Variants in ARMH3 observed in about 807,000 individuals in gnomAD.
ARMH3 encodes armadillo like helical domain containing 3, also known as armadillo-like helical domain-containing protein 3.
Under a neutral mutation model 99.1 loss-of-function variants are expected in ARMH3, and 60 were observed. The observed-to-expected ratio is 0.61, with a 90% CI of 0.49 to 0.75. The LOEUF is 0.75. Ranked by LOEUF, ARMH3 falls within the 30% of genes least tolerant of loss-of-function variation. ARMH3 has a pLI of 0.00. For missense variants in ARMH3, 679 were observed against 843.1 expected (o/e 0.81, Z 2.41); for synonymous variants, 285 against 292.8 (o/e 0.97, Z 0.27).
At chr10:102,027,995 A>T (rs2067037804) in intron 5 of ARMH3, among the ~76,000 whole-genome samples, 2 of 151,774 alleles carry the variant, frequency 1.3e-5, no homozygotes, top group Admixed American at 1.3e-4. Flanking sequence ...CTTATAACTC[A>T]ACAAAAAAAG....
At chr10:101,906,057 T>C (rs2068095018) in intron 23 of ARMH3, among the ~76,000 whole-genome samples, 1 of 152,248 alleles carries the variant, frequency 6.6e-6, no homozygotes, top group South Asian at 2.1e-4. Context: ...ATGAATATTA[T>C]ATTTGTGAGA....
At chr10:101,853,570 G>A (rs564401579) in intron 24 of ARMH3, among the ~76,000 whole-genome samples, 2 of 152,298 alleles carry the variant, frequency 1.3e-5, no homozygotes, top group African/African-American at 4.8e-5. Context: ...AACTCTAAAG[G>A]TCCTTCTCAG....
At chr10:101,982,946 A>C (rs574297102) in intron 19 of ARMH3, among the ~76,000 whole-genome samples, 6 of 152,338 alleles carry the variant, frequency 3.9e-5, no homozygotes, top group African/African-American at 4.8e-5. Flanking sequence ...TCTCGAAACC[A>C]TCACTGCCCC....
intron 23 of ARMH3, among the ~76,000 whole-genome samples, chr10:101,916,603 T>G (rs181224447): frequency 6.6e-6 from 1 of 152,330 alleles, no homozygotes. Context: ...ACAGCAAAAC[T>G]TACCCTTTTT....
At position 102,001,990 on chromosome 10, in the gene ARMH3, A is replaced by G; in HGVS notation, c.1131T>C (p.Ile377=). 6.2e-7 allele frequency: 1 copy of G among 1,614,184 alleles called. No individual in the cohort carries two copies. Among genetic ancestry groups the G allele is most frequent in the East Asian group, 2.2e-5 (1 of 44,888 alleles). Residue 377 remains isoleucine (I), a synonymous_variant, in exon 15 of 26, where the codon ATT becomes ATC. Transcript: ENST00000370033. The part of the protein sequence containing the change: ...LLITFLKYSS[I]VMQDTKDEHR... Reference sequence around the variant, plus strand: ...GCTTACCTTTGGTGTCCTGCATGACAATTGAGCTATACTTTAAAAAGGTTA... The same window carrying G: ...GCTTACCTTTGGTGTCCTGCATGACGATTGAGCTATACTTTAAAAAGGTTA...
chr10:101,902,629 G>A (rs2068008341), intron 23 of ARMH3, among the ~76,000 whole-genome samples: 1 of 151,992 alleles, frequency 6.6e-6, no homozygotes, highest in African/African-American at 2.4e-5. Context: ...AAAGTGATTT[G>A]CAACCTTACT....
chr10:101,910,019 G>C (rs927759412), intron 23 of ARMH3, among the ~76,000 whole-genome samples: 2 of 152,212 alleles, frequency 1.3e-5, no homozygotes, highest in African/African-American at 4.8e-5. Context: ...ATGCTATGTA[G>C]ACCTTGTTGC....
At chr10:101,921,780 T>C (rs1406398771) in intron 23 of ARMH3, among the ~76,000 whole-genome samples, 1 of 152,164 alleles carries the variant, frequency 6.6e-6, no homozygotes, top group African/African-American at 2.4e-5. Context: ...AGCTAAAAAG[T>C]TCACCTCATG....
chr10:101,925,610 C>A (rs1372967144), intron 23 of ARMH3, among the ~76,000 whole-genome samples: 1 of 152,146 alleles, frequency 6.6e-6, no homozygotes, highest in Non-Finnish European at 1.5e-5. Flanking sequence ...AGATACTCAT[C>A]ATTTAAAAGA....
intron 24 of ARMH3, among the ~76,000 whole-genome samples, chr10:101,886,129 G>A (rs1197607012): frequency 6.6e-6 from 1 of 151,844 alleles, no homozygotes; most frequent in East Asian, 1.9e-4. Context: ...AAAAAAAGAG[G>A]TAAAAATGAA....
chr10:101,874,056 T>G, intron 24 of ARMH3, among the ~76,000 whole-genome samples: 1 of 152,160 alleles, frequency 6.6e-6, no homozygotes, highest in Non-Finnish European at 1.5e-5. Context: ...AGAGTACATA[T>G]TGCATTAGTT....
intron 19 of ARMH3, among the ~76,000 whole-genome samples, chr10:101,976,361 C>T (rs2135931265): frequency 6.7e-6 from 1 of 148,962 alleles, no homozygotes; most frequent in Non-Finnish European, 1.5e-5. Context: ...AGAACTTCTG[C>T]CTTCTTCTAG....
chr10:101,963,292 GCCA>G (rs1394137591), intron 20 of ARMH3, among the ~76,000 whole-genome samples: 1 of 151,976 alleles, frequency 6.6e-6, no homozygotes, highest in Non-Finnish European at 1.5e-5. Context: ...ACAGGCACCT[GCCA>G]CCACACCTGC....
At chr10:102,043,222 T>C (rs979631366) in intron 1 of ARMH3, among the ~76,000 whole-genome samples, 1 of 152,258 alleles carries the variant, frequency 6.6e-6, no homozygotes, top group Non-Finnish European at 1.5e-5. Flanking sequence ...AGCTGAGAAA[T>C]TGCAAGGCAT....
chr10:101,879,046 A>G (rs2067342914), intron 24 of ARMH3, among the ~76,000 whole-genome samples: 1 of 152,066 alleles, frequency 6.6e-6, no homozygotes, highest in South Asian at 2.1e-4. Flanking sequence ...TTTGTCCTCA[A>G]CTGAATGGGC....
At chr10:102,047,552 T>C (rs2067587199) in intron 1 of ARMH3, among the ~76,000 whole-genome samples, 1 of 151,676 alleles carries the variant, frequency 6.6e-6, no homozygotes, top group South Asian at 2.1e-4. Flanking sequence ...AGTGGCATGA[T>C]CTCGGCTCAC....
intron 20 of ARMH3, among the ~76,000 whole-genome samples, chr10:101,973,090 G>T (rs1845840279): frequency 6.6e-6 from 1 of 152,118 alleles, no homozygotes; most frequent in Non-Finnish European, 1.5e-5. Flanking sequence ...GCCAGGCATG[G>T]TGACTCACGT....
intron 5 of ARMH3, among the ~76,000 whole-genome samples, chr10:102,027,174 G>A (rs1456368047): frequency 6.6e-6 from 1 of 151,844 alleles, no homozygotes; most frequent in African/African-American, 2.4e-5. Context: ...AGCTACTCAG[G>A]TGGCTGAGGC....
At chr10:101,896,128 G>A in intron 23 of ARMH3, among the ~76,000 whole-genome samples, 1 of 152,198 alleles carries the variant, frequency 6.6e-6, no homozygotes, top group East Asian at 1.9e-4. Flanking sequence ...CTACTTGGGA[G>A]GCCAAGGTGG....
Sources: gnomAD v4.1 joint callset for allele counts (sites outside exome capture counted in the v4.1 genomes callset) on GRCh38, gnomAD v4.1.1 for gene constraint, MANE v1.5 for transcripts, NCBI Gene and HGNC (gene_info 2026-07-23, HGNC 2026-07-21) for gene names.